Variants in PTPRN2 observed in about 807,000 individuals in gnomAD.
PTPRN2 encodes protein tyrosine phosphatase receptor type N2.
A neutral mutation model predicts 118.8 loss-of-function variants in PTPRN2; 74 were observed. The observed-to-expected ratio is 0.62, with a 90% confidence interval of 0.52 to 0.76. The LOEUF (loss-of-function observed/expected upper bound fraction) is 0.76, where lower values mean the gene tolerates loss of function less well. Ranked by LOEUF, PTPRN2 falls within the 30% of genes least tolerant of loss-of-function variation. PTPRN2 has a pLI of 0.00. For synonymous variants in PTPRN2, 641 were observed against 608.0 expected (o/e 1.05, Z -0.80); for missense variants, 1,481 against 1,394.4 (o/e 1.06, Z -0.99).
intron 2 of PTPRN2, among the ~76,000 whole-genome samples, chr7:158,475,147 G>A (rs1733124): frequency 0.83 from 125,526 of 151,990 alleles, 51,939 homozygotes; most frequent in Admixed American, 0.86. Flanking sequence ...CACGGTGGCA[G>A]GCGGGAGGGC....
intron 11 of PTPRN2, among the ~76,000 whole-genome samples, chr7:157,945,688 C>T (rs1311627027): frequency 6.6e-6 from 1 of 151,070 alleles, no homozygotes; most frequent in Non-Finnish European, 1.5e-5. Context: ...CCGCCTCCAG[C>T]TTGGACGATG....
At chr7:157,820,923 T>A (rs75090291) in intron 12 of PTPRN2, among the ~76,000 whole-genome samples, 3,480 of 152,246 alleles carry the variant, frequency 0.023, 150 homozygotes, top group African/African-American at 0.079. Context: ...AAGGAAACAG[T>A]AACTGCCACA....
chr7:158,346,205 C>T (rs558350672), intron 2 of PTPRN2, among the ~76,000 whole-genome samples: 6 of 152,260 alleles, frequency 3.9e-5, no homozygotes, highest in Non-Finnish European at 5.9e-5. Context: ...GATGTATAAC[C>T]GTCTACTGTT....
At chr7:158,522,642 T>C (rs1307026111) in intron 1 of PTPRN2, among the ~76,000 whole-genome samples, 1 of 152,204 alleles carries the variant, frequency 6.6e-6, no homozygotes, top group Admixed American at 6.5e-5. Flanking sequence ...TGCGGCTAGA[T>C]GCAGTCTGTG....
At chr7:157,724,762 C>T (rs1169473067) in intron 12 of PTPRN2, among the ~76,000 whole-genome samples, 1 of 152,214 alleles carries the variant, frequency 6.6e-6, no homozygotes, top group East Asian at 1.9e-4. Context: ...GGTGAGCACT[C>T]AGAGTACAGT....
chr7:158,301,022 C>T (rs959549360), intron 3 of PTPRN2, among the ~76,000 whole-genome samples: 7 of 152,112 alleles, frequency 4.6e-5, no homozygotes, highest in South Asian at 4.1e-4. Flanking sequence ...AAACCAGCAA[C>T]GCACGATATA....
chr7:158,150,582 G>C (rs1348635108), intron 6 of PTPRN2, among the ~76,000 whole-genome samples: 1 of 152,080 alleles, frequency 6.6e-6, no homozygotes, highest in Non-Finnish European at 1.5e-5. Context: ...AGGTCAAGGA[G>C]CATCTATATG....
At chr7:158,034,047 A>C (rs1807901961) in intron 11 of PTPRN2, among the ~76,000 whole-genome samples, 2 of 142,350 alleles carry the variant, frequency 1.4e-5, no homozygotes, top group Admixed American at 1.4e-4. Context: ...GTGGCTGCAC[A>C]CTGAGACCCC....
chr7:158,196,744 C>T (rs998677024), intron 4 of PTPRN2, among the ~76,000 whole-genome samples: 9 of 152,208 alleles, frequency 5.9e-5, no homozygotes, highest in East Asian at 1.9e-4. Context: ...AGTGGAAAGG[C>T]GACTATAGAT....
intron 9 of PTPRN2, among the ~76,000 whole-genome samples, chr7:158,127,348 G>A (rs536259016): frequency 6.4e-4 from 98 of 152,178 alleles, no homozygotes; most frequent in Non-Finnish European, 1.1e-3. Context: ...TCCTCTGCAC[G>A]TGGCCCGGGC....
intron 2 of PTPRN2, among the ~76,000 whole-genome samples, chr7:158,359,802 C>T (rs932726178): frequency 3.3e-5 from 5 of 152,122 alleles, no homozygotes; most frequent in African/African-American, 1.2e-4. Flanking sequence ...AAGCGAGAGC[C>T]CAGATGCCTG....
chr7:157,926,637 C>T (rs1454020619), intron 11 of PTPRN2, among the ~76,000 whole-genome samples: 4 of 152,208 alleles, frequency 2.6e-5, no homozygotes, highest in Non-Finnish European at 5.9e-5. Context: ...AGGCCTCCTA[C>T]GCACCCTCCA....
intron 11 of PTPRN2, among the ~76,000 whole-genome samples, chr7:158,045,728 G>C (rs1232173044): frequency 2.7e-5 from 4 of 150,590 alleles, no homozygotes; most frequent in Admixed American, 1.3e-4. Flanking sequence ...ACACTGCCTT[G>C]TTCTGTCCAG....
In PTPRN2 at chr7:158,003,527, CT is replaced by C. The variant is rs1041116378; in HGVS notation, c.1723+77770del. Among the ~76,000 whole-genome samples, 2 of 152,166 alleles carry C rather than the reference CT, an allele frequency of 1.3e-5. No individual in the cohort carries two copies. Among genetic ancestry groups the C allele is most frequent in the African/African-American group, 2.4e-5 (1 of 41,450 alleles). ...CTGCATCTACACAGAAGGACAGCCC[CT>C]GAGGACGTGGCCACGACGCAGCCAC... On this transcript the variant is annotated intron_variant, in intron 11 of 22. Transcript: ENST00000389418. The surrounding 1 kb of genome is among the most constrained non-coding windows in gnomAD (Gnocchi z 5.0).
intron 11 of PTPRN2, among the ~76,000 whole-genome samples, chr7:158,070,504 GGTGGTGGAGGTGCTCC>G (rs1811193161): frequency 7.3e-6 from 1 of 137,776 alleles, no homozygotes; most frequent in African/African-American, 2.9e-5. Flanking sequence ...AGGTGCCCGT[GGTGGTGGAGGTGCTCC>G]TGGTGGTGGA....
At chr7:157,715,579 T>C (rs1470065828) in intron 12 of PTPRN2, among the ~76,000 whole-genome samples, 1 of 152,146 alleles carries the variant, frequency 6.6e-6, no homozygotes, top group Non-Finnish European at 1.5e-5. Context: ...ACTGCGCTGG[T>C]GTAAGCTGAT....
At chr7:158,408,997 TAA>T (rs398048224) in intron 2 of PTPRN2, among the ~76,000 whole-genome samples, 9 of 146,320 alleles carry the variant, frequency 6.2e-5, no homozygotes, top group African/African-American at 1.3e-4. Flanking sequence ...TCTCCTTAAT[TAA>T]AAAAAAAAAA....
At chr7:158,097,059 C>T (rs1406427217) in intron 10 of PTPRN2, among the ~76,000 whole-genome samples, 2 of 152,198 alleles carry the variant, frequency 1.3e-5, no homozygotes, top group Non-Finnish European at 2.9e-5. Context: ...GGACCATTCT[C>T]ACCCCTCACA....
intron 2 of PTPRN2, among the ~76,000 whole-genome samples, chr7:158,415,408 C>T (rs980508578): frequency 6.6e-6 from 1 of 152,170 alleles, no homozygotes; most frequent in African/African-American, 2.4e-5. Context: ...TCTCTAAGCC[C>T]CCACCAGCTG....
Sources: gnomAD v4.1 joint callset for allele counts (sites outside exome capture counted in the v4.1 genomes callset) on GRCh38, gnomAD v4.1.1 for gene constraint, Gnocchi (gnomAD v3.1) non-coding constraint, MANE v1.5 for transcripts, NCBI Gene and HGNC (gene_info 2026-07-23, HGNC 2026-07-21) for gene names.